Variants in KDM5A observed in about 807,000 individuals in gnomAD.
The protein encoded by KDM5A is lysine demethylase 5A, also known as lysine-specific demethylase 5A.
A neutral mutation model predicts 193.5 loss-of-function variants in KDM5A; 42 were observed. The observed-to-expected ratio is 0.22, with a 90% CI of 0.17 to 0.28. KDM5A has a LOEUF of 0.28. KDM5A is among the 10% of genes least tolerant of loss of function. The pLI is 1.00. For missense variants in KDM5A, 1,692 were observed against 2,055.1 expected (o/e 0.82, Z 3.42); for synonymous variants, 796 against 718.1 (o/e 1.11, Z -1.73).
chr12:283,395 A>T lies in KDM5A; in HGVS notation c.*2061T>A, dbSNP rs958380995. The T allele has an allele frequency of 8.6e-6, 2 of 232,864 alleles. No individual in the cohort carries two copies. Among genetic ancestry groups the T allele is most frequent in the African/African-American group, 4.4e-5 (2 of 45,332 alleles). 14.4% of individuals were successfully genotyped at this position (232,864 alleles called of 1,614,324 possible). On this transcript the variant is annotated 3_prime_UTR_variant, in exon 28 of 28. Coordinates refer to ENST00000399788, the MANE Select transcript of KDM5A (RefSeq NM_001042603.3). Reference sequence around the variant, plus strand: ...TCGATCATACACAAACTTACTTCAGATGAGACCTCAAGACATATGCACAGC... The same window carrying T: ...TCGATCATACACAAACTTACTTCAGTTGAGACCTCAAGACATATGCACAGC...
intron 14 of KDM5A, among the ~76,000 whole-genome samples, chr12:326,393 C>A (rs143137641): frequency 6.6e-6 from 1 of 152,136 alleles, no homozygotes; most frequent in Admixed American, 6.5e-5. Context: ...AATAAACAGT[C>A]AAAGGCTGAA....
At chr12:388,261 T>C (rs1184969322) in intron 1 of KDM5A, 5 of 455,914 alleles carry the variant, frequency 1.1e-5, no homozygotes, top group Admixed American at 2.4e-5. Context: ...ATTAACCTTA[T>C]AGGCAAACCT....
chr12:339,667 TCA>T (rs1242425897), intron 10 of KDM5A, among the ~76,000 whole-genome samples: 1 of 151,938 alleles, frequency 6.6e-6, no homozygotes, highest in East Asian at 1.9e-4. Flanking sequence ...ACTCAAAGAG[TCA>T]CAGTTGGAAG....
chr12:347,041 T>C (rs1216819250), intron 10 of KDM5A, among the ~76,000 whole-genome samples: 1 of 152,224 alleles, frequency 6.6e-6, no homozygotes, highest in East Asian at 1.9e-4. Context: ...CAAAATCTCC[T>C]TAAGCTGATA....
chr12:351,553 G>A (rs1591926736), intron 9 of KDM5A, among the ~76,000 whole-genome samples: 1 of 152,048 alleles, frequency 6.6e-6, no homozygotes, highest in African/African-American at 2.4e-5. Flanking sequence ...AAAAGCCTAA[G>A]ATATCCTAGG....
chr12:325,390 T>C (rs1206472516), intron 14 of KDM5A, among the ~76,000 whole-genome samples: 2 of 152,302 alleles, frequency 1.3e-5, no homozygotes, highest in Non-Finnish European at 2.9e-5. Context: ...GGAAAAAATA[T>C]ATTTTTTTTG....
intron 3 of KDM5A, among the ~76,000 whole-genome samples, 179 bp from the exon 4 acceptor site, chr12:366,283 T>C (rs950064113): frequency 6.6e-6 from 1 of 152,176 alleles, no homozygotes; most frequent in African/African-American, 2.4e-5. Flanking sequence ...AACAATGCTT[T>C]TCAGAGGTTT....
rs141532337 is a variant in KDM5A at position 296,090 on chromosome 12, G to A, written c.4235-297C>T. On this transcript the variant is annotated intron_variant, in intron 25 of 27. Transcript: ENST00000399788. Reference sequence around the variant, plus strand: ...TCCCAACACTTTGGGAGGCTGAGGCGGGTGGATCACCTGAGGTCAGGAGTT... The same window carrying A: ...TCCCAACACTTTGGGAGGCTGAGGCAGGTGGATCACCTGAGGTCAGGAGTT... Among the ~76,000 whole-genome samples the A allele has an allele frequency of 7.8e-3, 1,182 of 152,086 alleles. 11 individuals are homozygous for A. The highest frequency in any genetic ancestry group is 0.026 in the African/African-American group (1,091 of 41,484).
rs771990331 is a variant in KDM5A at position 307,487 on chromosome 12, T to C, written c.3897A>G (p.Glu1299=). The part of the protein sequence containing the change: ...REKTEKIISA[E]LQKAAANPDL... ...CTGGATTGGCAGCTGCTTTTTGGAG[T>C]TCTGCACTGATGATCTTTTCAGTTT... Residue 1299 remains glutamate (E), a synonymous_variant, in exon 23 of 28, where the codon GAA becomes GAG. Coordinates refer to ENST00000399788, the MANE Select transcript of KDM5A (RefSeq NM_001042603.3). The surrounding 1 kb of genome is among the most constrained non-coding windows in gnomAD (Gnocchi z 4.3). The C allele has an allele frequency of 3.3e-5, 54 of 1,613,306 alleles. 1 individual carries two copies. In the South Asian group the frequency reaches 5.3e-4, roughly 16 times the overall value.
rs568124548 is a variant in KDM5A at position 386,084 on chromosome 12, C to T, written c.166-110G>A. On this transcript the variant is annotated intron_variant, in intron 1 of 27. Coordinates refer to ENST00000399788, the MANE Select transcript of KDM5A (RefSeq NM_001042603.3). The stretch of plus-strand genomic sequence containing the variant: ...ACAAATCATGGTGCTAATAGACTAA[C>T]TTACAAGTCTTCTTTATTATAGAGA... The T allele has an allele frequency of 1.5e-4, 109 of 744,508 alleles. No homozygotes were observed. The African/African-American group carries it at 1.7e-3, about 11-fold the overall frequency. 46.1% of individuals were successfully genotyped at this position (744,508 alleles called of 1,614,324 possible).
chr12:337,736 G>A (rs1302593685), intron 10 of KDM5A, among the ~76,000 whole-genome samples: 3 of 150,868 alleles, frequency 2.0e-5, no homozygotes, highest in Non-Finnish European at 4.4e-5. Flanking sequence ...TCCACCTCCT[G>A]GGTTCAAGCG....
intron 3 of KDM5A, among the ~76,000 whole-genome samples, chr12:374,765 C>T (rs1944480086): frequency 6.6e-6 from 1 of 152,090 alleles, no homozygotes. Flanking sequence ...GTAGGGCAGG[C>T]CTGGTGGTGA....
At chr12:343,283 G>A (rs574281556) in intron 10 of KDM5A, among the ~76,000 whole-genome samples, 19 of 152,328 alleles carry the variant, frequency 1.2e-4, no homozygotes, top group African/African-American at 4.1e-4. Context: ...AGCTCAAACT[G>A]GGTGGAGCCC....
At chr12:323,830 C>A (rs2137412380) in intron 14 of KDM5A, 49 bp from the exon 15 acceptor site, 2 of 1,492,426 alleles carry the variant, frequency 1.3e-6, no homozygotes, top group Non-Finnish European at 1.9e-6. Flanking sequence ...GTCTTTAAAG[C>A]ATCAAAAAAC....
At position 288,298 on chromosome 12, in the gene KDM5A, T is replaced by TC. The variant is rs936542900; in HGVS notation, c.4867-2637dup. ...TTGGATAACTGTATAAATTGTCATT[T>TC]CCCCCCCTTTCATTATTTCTAGGAG... On this transcript the variant is annotated intron_variant, in intron 27 of 27. Coordinates refer to ENST00000399788, the MANE Select transcript of KDM5A (RefSeq NM_001042603.3). 4.0e-5 allele frequency among the ~76,000 whole-genome samples: 6 copies of TC among 151,686 alleles called. No individual in the cohort carries two copies. In the East Asian group the frequency reaches 9.6e-4, roughly 24 times the overall value.
intron 14 of KDM5A, among the ~76,000 whole-genome samples, chr12:325,553 G>A (rs950525535): frequency 5.3e-5 from 8 of 152,106 alleles, no homozygotes; most frequent in African/African-American, 1.9e-4. Flanking sequence ...GCACATGCTT[G>A]TAACCCTAAC....
intron 22 of KDM5A, 74 bp downstream of exon 22, chr12:309,729 A>G: frequency 6.7e-7 from 1 of 1,483,504 alleles, no homozygotes; most frequent in East Asian, 2.3e-5. Flanking sequence ...AAACATAAAA[A>G]CTGTGAGTCT....
intron 10 of KDM5A, among the ~76,000 whole-genome samples, chr12:347,659 G>A (rs1944095966): frequency 1.3e-5 from 2 of 152,124 alleles, no homozygotes; most frequent in African/African-American, 2.4e-5. Flanking sequence ...ACAAGAAATG[G>A]GGAAAGGATT....
intron 1 of KDM5A, among the ~76,000 whole-genome samples, chr12:386,328 A>G (rs963881388): frequency 6.6e-6 from 1 of 152,194 alleles, no homozygotes; most frequent in Non-Finnish European, 1.5e-5. Flanking sequence ...ATTTTATGCA[A>G]TATTTTTAAT....
Sources: allele counts gnomAD v4.1 joint callset (sites outside exome capture counted in the v4.1 genomes callset), GRCh38; gene constraint gnomAD v4.1.1; non-coding constraint Gnocchi (gnomAD v3.1); transcripts MANE v1.5; gene names NCBI Gene and HGNC (gene_info 2026-07-23, HGNC 2026-07-21).